The following ITGAE variants were observed in gnomAD, a reference collection of about 807,000 sequenced individuals.
The protein encoded by ITGAE is integrin alpha-E.
In ITGAE, 99 loss-of-function variants were observed where a neutral mutation model predicts 136.5. That is an observed-to-expected ratio of 0.73 (90% confidence interval 0.62 to 0.86). ITGAE has a LOEUF of 0.86. Among genes scored for constraint, ITGAE ranks in the 40% least tolerant of loss-of-function variants. ITGAE has a pLI of 0.00. For synonymous variants in ITGAE, 613 were observed against 591.8 expected, an observed-to-expected ratio of 1.04 and a Z score of -0.52; for missense variants, 1,447 against 1,515.3, an observed-to-expected ratio of 0.95 and a Z score of 0.75.
chr17:3,771,226 A>T (rs74400548), intron 2 of ITGAE, among the ~76,000 whole-genome samples: 1 of 152,174 alleles, frequency 6.6e-6, no homozygotes, highest in African/African-American at 2.4e-5. Flanking sequence ...AACCAGAAGA[A>T]GTACCGCCTG....
chr17:3,792,493 A>G (rs1033833362), intron 1 of ITGAE, among the ~76,000 whole-genome samples: 1 of 152,228 alleles, frequency 6.6e-6, no homozygotes, highest in African/African-American at 2.4e-5. Context: ...ATAAAAATAC[A>G]TAATACAGGT....
chr17:3,723,493 G>A (rs554289092), intron 27 of ITGAE, 110 bp from the exon 28 acceptor site: 2 of 1,001,448 alleles, frequency 2.0e-6, no homozygotes, highest in Admixed American at 1.8e-5. Flanking sequence ...GAGGGTGTGA[G>A]CAATTTCAGC....
intron 2 of ITGAE, among the ~76,000 whole-genome samples, chr17:3,770,527 G>C (rs2052395526): frequency 6.6e-6 from 1 of 152,146 alleles, no homozygotes; most frequent in Non-Finnish European, 1.5e-5. Context: ...TACATTTTAA[G>C]AGAGACAATG....
chr17:3,761,860 C>A, intron 4 of ITGAE, 55 bp downstream of exon 4: 3 of 1,491,574 alleles, frequency 2.0e-6, no homozygotes, highest in Non-Finnish European at 1.9e-6. Flanking sequence ...GGGTCAACCA[C>A]GAGGGCTAGC....
chr17:3,782,559 G>A (rs1479732768), intron 1 of ITGAE, among the ~76,000 whole-genome samples: 1 of 151,842 alleles, frequency 6.6e-6, no homozygotes, highest in Non-Finnish European at 1.5e-5. Flanking sequence ...GTAGAGATAG[G>A]TTTTCACCGT....
chr17:3,777,082 T>A (rs1480234526), intron 2 of ITGAE, among the ~76,000 whole-genome samples: 1 of 151,660 alleles, frequency 6.6e-6, no homozygotes, highest in Non-Finnish European at 1.5e-5. Flanking sequence ...TGCCTCAGCC[T>A]CCTGAGTAGC....
chr17:3,795,852 TGTGTGCATCCATGTGCATCCGTGTGC>T (rs1001393109), intron 1 of ITGAE, among the ~76,000 whole-genome samples: 7 of 150,806 alleles, frequency 4.6e-5, no homozygotes, highest in African/African-American at 1.7e-4. Context: ...TGCATCTGTG[TGTGTGCATCCATGTGCATCCGTGTGC>T]GTGTGCATCC....
intron 2 of ITGAE, among the ~76,000 whole-genome samples, chr17:3,766,298 T>C (rs2052297007): frequency 6.6e-6 from 1 of 152,032 alleles, no homozygotes; most frequent in Non-Finnish European, 1.5e-5. Context: ...AAAGTCCTTC[T>C]AGGAGGGAGG....
chr17:3,765,553 C>T (rs1001893382), intron 2 of ITGAE, among the ~76,000 whole-genome samples: 11 of 151,926 alleles, frequency 7.2e-5, no homozygotes, highest in Admixed American at 2.0e-4. Flanking sequence ...TGCGTCCATC[C>T]GCCCACCCAC....
At chr17:3,750,238 C>T in intron 16 of ITGAE, 114 bp downstream of exon 16, 1 of 1,449,112 alleles carries the variant, frequency 6.9e-7, no homozygotes, top group Non-Finnish European at 9.3e-7. Flanking sequence ...CCTGTGCCCA[C>T]AACCACGGTG....
intron 1 of ITGAE, among the ~76,000 whole-genome samples, chr17:3,800,384 G>A (rs892132471): frequency 2.6e-5 from 4 of 152,296 alleles, no homozygotes; most frequent in Non-Finnish European, 5.9e-5. Context: ...TGGGAAGTCT[G>A]CTCAGATCAC....
chr17:3,739,985 C>T lies in ITGAE; in HGVS notation c.2449-107G>A, dbSNP rs564127046. 128 of 840,940 alleles carry T rather than the reference C, an allele frequency of 1.5e-4. 1 individual carries two copies. Among genetic ancestry groups the T allele is most frequent in the African/African-American group, 3.7e-4 (22 of 60,056 alleles). 52.1% of individuals were successfully genotyped at this position (840,940 alleles called of 1,614,324 possible). On this transcript the variant is annotated intron_variant, in intron 19 of 30. Coordinates refer to ENST00000263087, the MANE Select transcript of ITGAE (RefSeq NM_002208.5). ...AGTTTTGGGCTGTGCCTCCTGCTCA[C>T]CCTGAGAAGTGCAGTTACAGGGAGG...
chr17:3,727,461 A>C (rs997451423), intron 26 of ITGAE, among the ~76,000 whole-genome samples: 1 of 150,352 alleles, frequency 6.7e-6, no homozygotes, highest in African/African-American at 2.5e-5. Flanking sequence ...GTGCAGTGGC[A>C]GGATCTCGGC....
rs2053188632 is a variant in ITGAE, at chr17:3,799,061, G to T, written c.34+2050C>A. Reference sequence around the variant, plus strand: ...CCTGGATTCTCTCCAGCCTAAGGAGGCCCAACCCGGCACAGGGTACAGGGT... The same window carrying T: ...CCTGGATTCTCTCCAGCCTAAGGAGTCCCAACCCGGCACAGGGTACAGGGT... On this transcript the variant is annotated intron_variant, in intron 1 of 30. Transcript: ENST00000263087. This position sits in a 1 kb window ranked among gnomAD's most constrained non-coding sequence, Gnocchi z 4.1. 6.6e-6 allele frequency among the ~76,000 whole-genome samples: 1 copy of T among 152,150 alleles called. No individual in the cohort carries two copies. Among genetic ancestry groups the T allele is most frequent in the African/African-American group, 2.4e-5 (1 of 41,426 alleles).
At chr17:3,739,244 C>T (rs2051529306) in intron 20 of ITGAE, among the ~76,000 whole-genome samples, 1 of 152,172 alleles carries the variant, frequency 6.6e-6, no homozygotes, top group Non-Finnish European at 1.5e-5. Flanking sequence ...CCCAACACTC[C>T]TTCCCACCTT....
chr17:3,740,043 G>A (rs527798755), intron 19 of ITGAE, among the ~76,000 whole-genome samples, 165 bp from the exon 20 acceptor site: 1 of 152,234 alleles, frequency 6.6e-6, no homozygotes, highest in Non-Finnish European at 1.5e-5. Context: ...TCCCCGAAGA[G>A]CAGGGACTGT....
At chr17:3,755,363 C>G in intron 11 of ITGAE, 102 bp from the exon 12 acceptor site, 1 of 1,354,032 alleles carries the variant, frequency 7.4e-7, no homozygotes, top group South Asian at 1.5e-5. Flanking sequence ...TGGCTGGGAG[C>G]AGGGGGGCGT....
intron 23 of ITGAE, 49 bp downstream of exon 23, chr17:3,731,055 G>A (rs370767571): frequency 3.4e-6 from 5 of 1,466,058 alleles, no homozygotes; most frequent in African/African-American, 1.4e-5. Context: ...GCAGGGAGAT[G>A]TCTTCCGGGG....
rs186112769 is a variant in ITGAE, at chr17:3,768,000, T to C, written c.156-4040A>G. Among the ~76,000 whole-genome samples the C allele has an allele frequency of 2.4e-3, 368 of 152,256 alleles. 3 individuals are homozygous for C. Among genetic ancestry groups the C allele is most frequent in the African/African-American group, 8.4e-3 (347 of 41,550 alleles). On this transcript the variant is annotated intron_variant, in intron 2 of 30. Coordinates refer to ENST00000263087, the MANE Select transcript of ITGAE (RefSeq NM_002208.5). ...AAGAAAACAGATTCTCCCCCAGAGC[T>C]TCTAGAAGGGACCCAGCCCTGCTGA...
Sources: gnomAD v4.1 joint callset for allele counts (sites outside exome capture counted in the v4.1 genomes callset) on GRCh38, gnomAD v4.1.1 for gene constraint, Gnocchi (gnomAD v3.1) non-coding constraint, MANE v1.5 for transcripts, NCBI Gene and HGNC (gene_info 2026-07-23, HGNC 2026-07-21) for gene names.